The following ADAMTS20 variants were observed in gnomAD, a reference collection of about 807,000 sequenced individuals.
The protein encoded by ADAMTS20 is ADAM metallopeptidase with thrombospondin type 1 motif 20.
A neutral mutation model predicts 260.1 loss-of-function variants in ADAMTS20; 225 were observed. That is an observed-to-expected ratio of 0.87 (90% CI 0.78 to 0.97). The LOEUF (loss-of-function observed/expected upper bound fraction) is 0.97, where lower values mean the gene tolerates loss of function less well. ADAMTS20 is among the 50% of genes least tolerant of loss of function. The pLI is 0.00. For missense variants in ADAMTS20, 2,400 were observed against 2,337.7 expected (o/e 1.03, Z -0.55); for synonymous variants, 802 against 769.5 (o/e 1.04, Z -0.70).
At chr12:43,371,127 C>T (rs1940098916) in intron 36 of ADAMTS20, among the ~76,000 whole-genome samples, 1 of 152,208 alleles carries the variant, frequency 6.6e-6, no homozygotes, top group African/African-American at 2.4e-5. Context: ...CATCCCCCAA[C>T]CTACATTTGA....
chr12:43,435,464 C>G (rs1941533158), intron 18 of ADAMTS20, among the ~76,000 whole-genome samples: 1 of 151,392 alleles, frequency 6.6e-6, no homozygotes, highest in Non-Finnish European at 1.5e-5. Context: ...CAAGGTGAAA[C>G]CCCGTCTCTA....
At chr12:43,399,784 C>T (rs1173958236) in intron 28 of ADAMTS20, among the ~76,000 whole-genome samples, 4 of 152,098 alleles carry the variant, frequency 2.6e-5, no homozygotes, top group African/African-American at 4.8e-5. Context: ...TCTCTACCAT[C>T]GGCCTTCTGA....
At chr12:43,507,867 T>C (rs1422267327) in intron 3 of ADAMTS20, among the ~76,000 whole-genome samples, 1 of 152,192 alleles carries the variant, frequency 6.6e-6, no homozygotes, top group Non-Finnish European at 1.5e-5. Context: ...GCCATTATCC[T>C]TAACAATCTA....
intron 12 of ADAMTS20, among the ~76,000 whole-genome samples, 180 bp from the exon 13 acceptor site, chr12:43,452,875 C>G (rs537218692): frequency 6.6e-6 from 1 of 152,222 alleles, no homozygotes; most frequent in African/African-American, 2.4e-5. Context: ...ACAAAAATAT[C>G]CACCTTAACG....
Position 43,431,467 on chromosome 12 carries a change from C to A in ADAMTS20, c.3126G>T (p.Lys1042Asn), listed in dbSNP as rs777120065. 1 of 1,613,988 alleles carries A rather than the reference C, an allele frequency of 6.2e-7. No homozygotes were observed. The highest frequency in any genetic ancestry group is 8.5e-7 in the Non-Finnish European group (1 of 1,179,866). Reference sequence around the variant, plus strand: ...TCAGCTGACACCATACCTGCCGCTGCTTTGTTCCTTTACCACATGTAACAA... The same window carrying A: ...TCAGCTGACACCATACCTGCCGCTGATTTGTTCCTTTACCACATGTAACAA... Reference protein sequence around the residue: ...ECLVTCGKGTKQRQVWCQLNV... With the variant: ...ECLVTCGKGTNQRQVWCQLNV... The change falls in exon 22 of 39, where the codon AAG becomes AAT. Residue 1042 changes from lysine to asparagine, a missense_variant. Lys to Asn is a moderately conservative substitution (Grantham distance 94). Transcript: ENST00000389420.
chr12:43,510,733 G>C (rs1356089092), intron 3 of ADAMTS20, among the ~76,000 whole-genome samples: 2 of 152,010 alleles, frequency 1.3e-5, no homozygotes, highest in Admixed American at 6.6e-5. Flanking sequence ...CTGCCCACTA[G>C]AGCATAAAAC....
intron 14 of ADAMTS20, among the ~76,000 whole-genome samples, chr12:43,450,426 C>T (rs11182081): frequency 0.7 from 106,979 of 152,082 alleles, 37,963 homozygotes; most frequent in East Asian, 1. Flanking sequence ...CTGAAAGTAG[C>T]ATGCCTCTAT....
intron 3 of ADAMTS20, among the ~76,000 whole-genome samples, chr12:43,506,602 C>A (rs1942846243): frequency 6.6e-6 from 1 of 151,968 alleles, no homozygotes; most frequent in Non-Finnish European, 1.5e-5. Flanking sequence ...GCCTCGGCCT[C>A]CTGAGTAGCT....
chr12:43,432,517 CA>C, intron 20 of ADAMTS20, 49 bp from the exon 21 acceptor site: 1 of 1,588,660 alleles, frequency 6.3e-7, no homozygotes, highest in Non-Finnish European at 8.5e-7. Flanking sequence ...ATCAGATTTT[CA>C]ACAAAATTAT....
chr12:43,542,009 A>T lies in ADAMTS20; in HGVS notation c.453+8900T>A, dbSNP rs558809445. On this transcript the variant is annotated intron_variant, in intron 2 of 38. Transcript: ENST00000389420. ...CATCTACCCAAGATTATGTATCCAA[A>T]AGACACAAGTTCAAATAGTGTGCCC... 4.2e-3 allele frequency among the ~76,000 whole-genome samples: 639 copies of T among 152,344 alleles called. 4 individuals are homozygous for T. The highest frequency in any genetic ancestry group is 7.6e-3 in the Non-Finnish European group (516 of 68,036).
chr12:43,508,915 C>T (rs897786893), intron 3 of ADAMTS20, among the ~76,000 whole-genome samples: 1 of 152,016 alleles, frequency 6.6e-6, no homozygotes, highest in African/African-American at 2.4e-5. Context: ...CTCCCCCAAC[C>T]CTGACAGGCC....
At chr12:43,489,945 A>G (rs1942576985) in intron 7 of ADAMTS20, among the ~76,000 whole-genome samples, 2 of 152,064 alleles carry the variant, frequency 1.3e-5, no homozygotes, top group South Asian at 2.1e-4. Context: ...GTTTAGGAAC[A>G]TACATATGTA....
chr12:43,495,196 A>T lies in ADAMTS20; in HGVS notation c.868-1943T>A, dbSNP rs569552050. On this transcript the variant is annotated intron_variant, in intron 4 of 38. Transcript: ENST00000389420. The stretch of plus-strand genomic sequence containing the variant: ...TCTGCAAGCTAGAATTTGGAAAAAA[A>T]TTCCCAATATTCTGATAGTATAATT... Among the ~76,000 whole-genome samples the T allele has an allele frequency of 6.6e-5, 10 of 152,332 alleles. No individual in the cohort carries two copies. The South Asian group carries it at 1.7e-3, about 25-fold the overall frequency.
chr12:43,494,313 T>C (rs762510103), intron 4 of ADAMTS20, among the ~76,000 whole-genome samples: 23 of 152,206 alleles, frequency 1.5e-4, no homozygotes, highest in Non-Finnish European at 3.2e-4. Flanking sequence ...CCTGACCTTA[T>C]GAAGCTTACA....
At chr12:43,380,098 GA>G (rs1208809877) in intron 31 of ADAMTS20, among the ~76,000 whole-genome samples, 2 of 152,002 alleles carry the variant, frequency 1.3e-5, no homozygotes, top group African/African-American at 4.8e-5. Context: ...ACACCATGAC[GA>G]AGTAAGATTT....
intron 28 of ADAMTS20, chr12:43,423,520 T>C (rs1181899668): frequency 6.9e-6 from 4 of 576,472 alleles, no homozygotes; most frequent in African/African-American, 1.9e-5. Flanking sequence ...TTCAATCTCA[T>C]TAGCAGTTAG....
chr12:43,457,468 C>G (rs1293719326), intron 11 of ADAMTS20, among the ~76,000 whole-genome samples: 2 of 152,150 alleles, frequency 1.3e-5, no homozygotes, highest in East Asian at 3.9e-4. Context: ...CTCTCCTAAA[C>G]TCCAGACTCA....
chr12:43,475,008 G>A (rs201395292), intron 7 of ADAMTS20, among the ~76,000 whole-genome samples: 2,627 of 129,632 alleles, frequency 0.02, 34 homozygotes, highest in East Asian at 0.076. Flanking sequence ...GGCAGGAGAA[G>A]GAAATAAAGG....
intron 3 of ADAMTS20, among the ~76,000 whole-genome samples, chr12:43,508,475 T>A (rs1592102860): frequency 6.6e-6 from 1 of 152,080 alleles, no homozygotes; most frequent in South Asian, 2.1e-4. Flanking sequence ...GTTGAATTTG[T>A]CCACCAAAAA....
Sources: gnomAD v4.1 joint callset for allele counts (sites outside exome capture counted in the v4.1 genomes callset) on GRCh38, gnomAD v4.1.1 for gene constraint, MANE v1.5 for transcripts, NCBI Gene and HGNC (gene_info 2026-07-23, HGNC 2026-07-21) for gene names.